Variants in TULP4 observed in about 807,000 individuals in gnomAD.
TULP4 encodes the protein TUB like protein 4.
TULP4 carries 16 observed loss-of-function variants against 129.0 expected under a neutral mutation model. The observed-to-expected ratio is 0.12, with a 90% CI of 0.08 to 0.19. The LOEUF is 0.19. Among genes scored for constraint, TULP4 ranks in the 10% least tolerant of loss-of-function variants. The pLI is 1.00. For synonymous variants in TULP4, 998 were observed against 854.0 expected (o/e 1.17, Z -2.94); for missense variants, 1,842 against 2,059.1 (o/e 0.89, Z 2.04).
intron 2 of TULP4, among the ~76,000 whole-genome samples, chr6:158,426,475 G>C (rs1352021958): frequency 7.4e-6 from 1 of 135,862 alleles, no homozygotes; most frequent in African/African-American, 2.9e-5. Flanking sequence ...ATTGAATAGG[G>C]AGTCCTTTCC....
At chr6:158,468,077 G>A (rs1414678411) in intron 6 of TULP4, among the ~76,000 whole-genome samples, 1 of 152,284 alleles carries the variant, frequency 6.6e-6, no homozygotes, top group East Asian at 1.9e-4. Flanking sequence ...TGTGGGAGCC[G>A]CTTACAGACT....
intron 3 of TULP4, among the ~76,000 whole-genome samples, chr6:158,440,162 A>G (rs1778853650): frequency 6.6e-6 from 1 of 151,874 alleles, no homozygotes; most frequent in East Asian, 2.0e-4. Context: ...TCTACAAAAA[A>G]TACAAAAATT....
At chr6:158,429,661 G>A in intron 2 of TULP4, 75 bp from the exon 3 acceptor site, 1 of 1,464,852 alleles carries the variant, frequency 6.8e-7, no homozygotes, top group Non-Finnish European at 9.2e-7. Context: ...CTAAGTTAAT[G>A]ACTATGTCTA....
rs758491143 is a variant in TULP4, at chr6:158,503,024, C to T, written c.3361C>T (p.Pro1121Ser). 2.4e-5 allele frequency: 39 copies of T among 1,614,078 alleles called. No individual in the cohort carries two copies. Among genetic ancestry groups the T allele is most frequent in the African/African-American group, 1.3e-5 (1 of 74,930 alleles). ...EAAVTLKRPP[P>S]YQWDPMLGED... ...TGCTGTCACCCTGAAACGGCCACCC[C>T]CTTACCAGTGGGACCCCATGCTGGG... The change falls in exon 13 of 14, where the codon CCT (proline) becomes TCT (serine). Residue 1121 changes from proline (P) to serine (S), a missense_variant. Pro to Ser is a moderately conservative substitution (Grantham distance 74, BLOSUM62 -1). This residue lies in a region of TULP4 where 1,089 missense variants were observed against 987.1 expected (regional missense o/e 1.10). Transcript: ENST00000367097. This position sits in a 1 kb window ranked among gnomAD's most constrained non-coding sequence, Gnocchi z 4.3.
At chr6:158,289,870 C>T (rs1338465048) in intron 1 of TULP4, among the ~76,000 whole-genome samples, 1 of 152,040 alleles carries the variant, frequency 6.6e-6, no homozygotes, top group Non-Finnish European at 1.5e-5. Flanking sequence ...TGTAATCCAC[C>T]ATGCCCAGAC....
intron 1 of TULP4, among the ~76,000 whole-genome samples, chr6:158,399,199 A>T (rs979068828): frequency 2.6e-5 from 4 of 152,206 alleles, no homozygotes; most frequent in African/African-American, 9.7e-5. Flanking sequence ...GTTTCTAGGC[A>T]GTGAATGACC....
chr6:158,439,751 G>T (rs1388339346), intron 3 of TULP4, among the ~76,000 whole-genome samples: 1 of 108,252 alleles, frequency 9.2e-6, no homozygotes, highest in African/African-American at 3.7e-5. Context: ...TTGCTCTGTT[G>T]CCCAGGCTGG....
chr6:158,281,587 G>A (rs1409652976), upstream of TULP4, among the ~76,000 whole-genome samples: 3 of 152,122 alleles, frequency 2.0e-5, no homozygotes, highest in Non-Finnish European at 2.9e-5. Context: ...ATGCAGTGCC[G>A]AGCCTTAGAA....
Position 158,271,577 on chromosome 6 carries a change from G to A in TULP4, n.68+39274G>A, listed in dbSNP as rs528538653. On this transcript the variant is annotated intron_variant and non_coding_transcript_variant, in intron 1 of 1. Coordinates refer to the TULP4 transcript ENST00000620026. The stretch of plus-strand genomic sequence containing the variant: ...CCTCTGAGTAGCTGGGGCTACAGGC[G>A]GGTCACCACATTTGGCAAATTTTTA... Among the ~76,000 whole-genome samples the A allele has an allele frequency of 3.9e-5, 6 of 151,970 alleles. No individual in the cohort carries two copies. In the South Asian group the frequency reaches 6.3e-4, roughly 16 times the overall value.
intron 1 of TULP4, among the ~76,000 whole-genome samples, chr6:158,285,403 GT>G (rs148342354): frequency 0.015 from 2,353 of 152,242 alleles, 64 homozygotes; most frequent in African/African-American, 0.054. Context: ...TTATGCGAGA[GT>G]TTTGGCAACG....
At chr6:158,401,542 G>A (rs1456412616) in intron 1 of TULP4, among the ~76,000 whole-genome samples, 3 of 151,766 alleles carry the variant, frequency 2.0e-5, no homozygotes, top group African/African-American at 4.8e-5. Context: ...ACAATAGTTA[G>A]TGATGAAAAA....
intron 1 of TULP4, among the ~76,000 whole-genome samples, chr6:158,306,612 G>C (rs1212592751): frequency 6.6e-6 from 1 of 152,232 alleles, no homozygotes; most frequent in Non-Finnish European, 1.5e-5. Flanking sequence ...GTTAGTATAT[G>C]TCTGTGATTT....
At chr6:158,325,357 T>TTC (rs1391874572) in intron 1 of TULP4, among the ~76,000 whole-genome samples, 1 of 149,442 alleles carries the variant, frequency 6.7e-6, no homozygotes, top group Non-Finnish European at 1.5e-5. Context: ...CAGCTTTTCT[T>TTC]TTTTTTTTTT....
At chr6:158,419,946 G>A (rs769643298) in intron 2 of TULP4, among the ~76,000 whole-genome samples, 1 of 152,172 alleles carries the variant, frequency 6.6e-6, no homozygotes, top group Non-Finnish European at 1.5e-5. Flanking sequence ...TGACCTAAAG[G>A]ACATTTATAG....
chr6:158,352,578 G>A (rs1780550658), intron 1 of TULP4, among the ~76,000 whole-genome samples: 1 of 152,112 alleles, frequency 6.6e-6, no homozygotes, highest in Non-Finnish European at 1.5e-5. Flanking sequence ...TGTATTTTTA[G>A]TAGAGCTGGG....
intron 1 of TULP4, among the ~76,000 whole-genome samples, chr6:158,387,973 A>T (rs1035467311): frequency 6.6e-6 from 1 of 152,200 alleles, no homozygotes; most frequent in African/African-American, 2.4e-5. Flanking sequence ...TATTTGTGAA[A>T]GTAAGTGTAA....
At position 158,502,369 on chromosome 6, in the gene TULP4, G is replaced by T. The variant is rs766391099; in HGVS notation, c.2706G>T (p.Arg902=). 17 of 1,613,648 alleles carry T rather than the reference G, an allele frequency of 1.1e-5. No homozygotes were observed. The highest frequency in any genetic ancestry group is 2.2e-5 in the South Asian group (2 of 91,078). Reference sequence around the variant, plus strand: ...GTGGCAACGTGGAGGAGGTGTGCCGGCCCCGCACCCGGATGCTGTGCTCCC... The same window carrying T: ...GTGGCAACGTGGAGGAGGTGTGCCGTCCCCGCACCCGGATGCTGTGCTCCC... ...DSSGNVEEVC[R]PRTRMLCSQN... The change falls in exon 13 of 14, where the codon CGG becomes CGT. Residue 902 remains arginine, a synonymous_variant. Transcript: ENST00000367097.
At chr6:158,396,779 C>G (rs983060763) in intron 1 of TULP4, among the ~76,000 whole-genome samples, 6 of 152,120 alleles carry the variant, frequency 3.9e-5, no homozygotes, top group African/African-American at 9.7e-5. Flanking sequence ...TAAGATATTT[C>G]ATTTAAATAG....
intron 5 of TULP4, among the ~76,000 whole-genome samples, chr6:158,457,500 C>T (rs1442576876): frequency 1.3e-5 from 2 of 152,300 alleles, no homozygotes; most frequent in East Asian, 3.9e-4. Flanking sequence ...AGGGACTTCT[C>T]TTCATCACGC....
Sources: gnomAD v4.1 joint callset for allele counts (sites outside exome capture counted in the v4.1 genomes callset) on GRCh38, gnomAD v4.1.1 for gene constraint, gnomAD v4.1.1 regional missense constraint, Gnocchi (gnomAD v3.1) non-coding constraint, MANE v1.5 for transcripts, NCBI Gene and HGNC (gene_info 2026-07-23, HGNC 2026-07-21) for gene names.